The following CADPS variants were observed in gnomAD, a reference collection of about 807,000 sequenced individuals.
CADPS encodes calcium-dependent secretion activator 1.
In CADPS, 57 loss-of-function variants were observed where a neutral mutation model predicts 167.3. The ratio of observed to expected loss-of-function variants is 0.34; its 90% CI spans 0.28 to 0.42. The LOEUF is 0.42. Ranked by LOEUF, CADPS falls within the 20% of genes least tolerant of loss-of-function variation. The pLI, the probability that CADPS is intolerant of heterozygous loss-of-function variation, is 1.00. For missense variants in CADPS, 1,414 were observed against 1,738.1 expected (o/e 0.81, Z 3.32); for synonymous variants, 676 against 635.3 (o/e 1.06, Z -0.96).
intron 6 of CADPS, among the ~76,000 whole-genome samples, chr3:62,643,004 G>A (rs768987257): frequency 1.3e-5 from 2 of 152,056 alleles, no homozygotes; most frequent in African/African-American, 2.4e-5. Context: ...CTTGGAGGTA[G>A]AGAAAAACTA....
intron 9 of CADPS, among the ~76,000 whole-genome samples, chr3:62,561,226 G>GGATT (rs979507939): frequency 7.2e-5 from 11 of 151,986 alleles, no homozygotes; most frequent in Admixed American, 5.2e-4. Flanking sequence ...GTGGGCCTTA[G>GGATT]GATTATACAT....
At chr3:62,522,377 G>A (rs1018727901) in intron 13 of CADPS, among the ~76,000 whole-genome samples, 6 of 152,056 alleles carry the variant, frequency 3.9e-5, no homozygotes, top group African/African-American at 1.4e-4. Context: ...GGGCTCAAGG[G>A]ATCCTCCCAC....
intron 1 of CADPS, among the ~76,000 whole-genome samples, chr3:62,789,816 G>T (rs1042302474): frequency 6.6e-6 from 1 of 151,850 alleles, no homozygotes; most frequent in Non-Finnish European, 1.5e-5. Flanking sequence ...TATAATTAAC[G>T]TGTATCAAGC....
At chr3:62,429,982 G>T (rs1402092312) in intron 28 of CADPS, among the ~76,000 whole-genome samples, 2 of 152,156 alleles carry the variant, frequency 1.3e-5, no homozygotes, top group African/African-American at 4.8e-5. Context: ...TTTGCCTGAA[G>T]GTAAGAGAGT....
At chr3:62,570,288 C>T (rs1240342429) in intron 9 of CADPS, among the ~76,000 whole-genome samples, 1 of 146,098 alleles carries the variant, frequency 6.8e-6, no homozygotes, top group Non-Finnish European at 1.5e-5. Context: ...AGATATTAAA[C>T]ATAGTTATGG....
At chr3:62,793,853 T>C (rs554330454) in intron 1 of CADPS, among the ~76,000 whole-genome samples, 1 of 152,322 alleles carries the variant, frequency 6.6e-6, no homozygotes, top group Non-Finnish European at 1.5e-5. Flanking sequence ...AAATTACAGA[T>C]AACACTGTGG....
At chr3:62,529,944 G>A (rs567484658) in intron 13 of CADPS, among the ~76,000 whole-genome samples, 1 of 152,224 alleles carries the variant, frequency 6.6e-6, no homozygotes, top group African/African-American at 2.4e-5. Flanking sequence ...GAAGGGCACA[G>A]AATAAAACTG....
At chr3:62,738,426 A>G (rs1039775067) in intron 3 of CADPS, among the ~76,000 whole-genome samples, 1 of 124,860 alleles carries the variant, frequency 8.0e-6, no homozygotes, top group Non-Finnish European at 1.7e-5. Context: ...ATACTTACAC[A>G]TTAAAAAAAA....
At chr3:62,459,658 G>C (rs1191265899) in intron 26 of CADPS, among the ~76,000 whole-genome samples, 1 of 152,150 alleles carries the variant, frequency 6.6e-6, no homozygotes, top group Non-Finnish European at 1.5e-5. Context: ...CACTGCACTG[G>C]CTACTCTCTC....
In CADPS at chr3:62,798,012, C is replaced by T. The variant is rs190482934; in HGVS notation, c.442-32028G>A. 4.6e-5 allele frequency among the ~76,000 whole-genome samples: 7 copies of T among 152,250 alleles called. No homozygotes were observed. The East Asian group carries it at 9.7e-4, about 21-fold the overall frequency. On this transcript the variant is annotated intron_variant, in intron 1 of 29. Coordinates refer to ENST00000383710, the MANE Select transcript of CADPS (RefSeq NM_003716.4). ...CTGAGCATCTGCTGTGTTCTAGGCA[C>T]TACATTTGGAGCTGTGGATACAAAA...
At chr3:62,424,738 C>G (rs956657629) in intron 28 of CADPS, among the ~76,000 whole-genome samples, 1 of 152,104 alleles carries the variant, frequency 6.6e-6, no homozygotes, top group Non-Finnish European at 1.5e-5. Context: ...TTACATGAAC[C>G]AGAATACTAT....
At chr3:62,636,929 C>T (rs971393501) in intron 6 of CADPS, among the ~76,000 whole-genome samples, 1 of 152,082 alleles carries the variant, frequency 6.6e-6, no homozygotes, top group Admixed American at 6.6e-5. Flanking sequence ...ACTTTGGCAC[C>T]CTTGGCCAAT....
chr3:62,439,713 C>A (rs1378147482), intron 27 of CADPS: 1 of 152,200 alleles, frequency 6.6e-6, no homozygotes, highest in South Asian at 2.1e-4. Flanking sequence ...GTTTCTATTT[C>A]TCCCCTGGTG....
chr3:62,844,235 A>G (rs1416042624), intron 1 of CADPS, among the ~76,000 whole-genome samples: 1 of 152,214 alleles, frequency 6.6e-6, no homozygotes. Flanking sequence ...AAACTAGTTC[A>G]TTTAGTTTAC....
intron 6 of CADPS, among the ~76,000 whole-genome samples, chr3:62,643,354 G>A (rs539373205): frequency 3.7e-4 from 57 of 152,280 alleles, no homozygotes; most frequent in African/African-American, 1.3e-3. Flanking sequence ...CTTGACCCTG[G>A]TCATGAAACC....
chr3:62,703,614 C>A (rs776041879), intron 3 of CADPS, among the ~76,000 whole-genome samples: 2 of 151,984 alleles, frequency 1.3e-5, no homozygotes, highest in African/African-American at 2.4e-5. Context: ...AAGTGACATG[C>A]CCTGAGGAGG....
At chr3:62,823,574 A>G (rs2073425398) in intron 1 of CADPS, among the ~76,000 whole-genome samples, 2 of 152,276 alleles carry the variant, frequency 1.3e-5, no homozygotes, top group Middle Eastern at 3.4e-3. Flanking sequence ...AAAGAGGGGG[A>G]AAGATCAATG....
intron 3 of CADPS, among the ~76,000 whole-genome samples, chr3:62,707,266 A>G (rs964310229): frequency 2.0e-5 from 3 of 152,076 alleles, no homozygotes; most frequent in African/African-American, 7.3e-5. Context: ...GCTCCTTATG[A>G]GAATCTAACT....
intron 3 of CADPS, among the ~76,000 whole-genome samples, chr3:62,709,742 C>G (rs186837978): frequency 6.6e-6 from 1 of 151,224 alleles, no homozygotes; most frequent in Non-Finnish European, 1.5e-5. Context: ...GATGGAGGAC[C>G]ACTGGGTTTT....
Sources: allele counts gnomAD v4.1 joint callset (sites outside exome capture counted in the v4.1 genomes callset), GRCh38; gene constraint gnomAD v4.1.1; transcripts MANE v1.5; gene names NCBI Gene and HGNC (gene_info 2026-07-23, HGNC 2026-07-21).